The following KCNQ5 variants were observed in gnomAD, a reference collection of about 807,000 sequenced individuals.
KCNQ5 encodes the protein potassium voltage-gated channel subfamily KQT member 5.
KCNQ5 carries 30 observed loss-of-function variants against 98.2 expected under a neutral mutation model. That is an observed-to-expected ratio of 0.31 (90% CI 0.23 to 0.41). The LOEUF (loss-of-function observed/expected upper bound fraction) is 0.41. KCNQ5 is among the 10% of genes least tolerant of loss of function. The pLI, the probability that KCNQ5 is intolerant of heterozygous loss-of-function variation, is 1.00. For synonymous variants in KCNQ5, 458 were observed against 449.4 expected, an observed-to-expected ratio of 1.02 and a Z score of -0.24; for missense variants, 835 against 1,182.5, an observed-to-expected ratio of 0.71 and a Z score of 4.31.
chr6:72,749,519 G>A (rs916590046), intron 1 of KCNQ5, among the ~76,000 whole-genome samples: 4 of 152,130 alleles, frequency 2.6e-5, no homozygotes, highest in Admixed American at 6.6e-5. Flanking sequence ...ATGTTACTGT[G>A]AACTACTTCC....
At chr6:72,655,304 T>A (rs975495968) in intron 1 of KCNQ5, among the ~76,000 whole-genome samples, 1 of 152,018 alleles carries the variant, frequency 6.6e-6, no homozygotes, top group Admixed American at 6.6e-5. Context: ...AAATATGTAT[T>A]GACTTCCCAT....
At chr6:72,902,627 A>G (rs1779555915) in intron 1 of KCNQ5, among the ~76,000 whole-genome samples, 1 of 152,184 alleles carries the variant, frequency 6.6e-6, no homozygotes, top group South Asian at 2.1e-4. Flanking sequence ...AATTCTGTTT[A>G]TGTGGTGTAT....
chr6:72,702,164 C>T (rs576518667), intron 1 of KCNQ5, among the ~76,000 whole-genome samples: 1 of 152,168 alleles, frequency 6.6e-6, no homozygotes, highest in Non-Finnish European at 1.5e-5. Flanking sequence ...TTTCTTAGCC[C>T]ATCTTCTTAA....
At chr6:72,830,709 G>A (rs1438822789) in intron 1 of KCNQ5, among the ~76,000 whole-genome samples, 2 of 152,094 alleles carry the variant, frequency 1.3e-5, no homozygotes, top group African/African-American at 2.4e-5. Flanking sequence ...CAAAAGCAAT[G>A]GCAACAAAAG....
intron 1 of KCNQ5, among the ~76,000 whole-genome samples, chr6:72,997,322 G>T (rs1357725466): frequency 6.6e-6 from 1 of 151,984 alleles, no homozygotes; most frequent in Non-Finnish European, 1.5e-5. Context: ...GGGTTCTGTT[G>T]CCATCTCCTA....
rs189668032 is a variant in KCNQ5 at position 72,771,075 on chromosome 6, G to A, written c.398+148488G>A. Among the ~76,000 whole-genome samples, 6 of 152,240 alleles carry A rather than the reference G, an allele frequency of 3.9e-5. No homozygotes were observed. The East Asian group carries it at 1.2e-3, about 29-fold the overall frequency. On this transcript the variant is annotated intron_variant, in intron 1 of 13. Transcript: ENST00000370398. ...ACTGAAAGAAGTTGTTGCACATATAGTGAAGGAGCAGATAAAGGAGTGGGC... is the reference window on the plus strand; with the variant it reads ...ACTGAAAGAAGTTGTTGCACATATAATGAAGGAGCAGATAAAGGAGTGGGC...
intron 1 of KCNQ5, among the ~76,000 whole-genome samples, chr6:72,742,813 G>A (rs1475805492): frequency 6.6e-6 from 1 of 152,136 alleles, no homozygotes; most frequent in Non-Finnish European, 1.5e-5. Flanking sequence ...TCCAAATGCA[G>A]AAATGAACAT....
chr6:72,693,464 A>G (rs893650899), intron 1 of KCNQ5, among the ~76,000 whole-genome samples: 2 of 152,198 alleles, frequency 1.3e-5, no homozygotes, highest in Non-Finnish European at 2.9e-5. Context: ...TTGTTAGAAA[A>G]CAAAACATAA....
intron 1 of KCNQ5, among the ~76,000 whole-genome samples, chr6:72,855,906 C>A (rs926875060): frequency 2.6e-5 from 4 of 152,136 alleles, no homozygotes; most frequent in African/African-American, 9.7e-5. Flanking sequence ...ACTTAATTAA[C>A]CAAGAAGTTG....
intron 1 of KCNQ5, among the ~76,000 whole-genome samples, chr6:72,953,598 C>T (rs971252532): frequency 3.3e-5 from 5 of 152,164 alleles, no homozygotes; most frequent in African/African-American, 1.2e-4. Flanking sequence ...CCCACCAATC[C>T]CTGCTGCCCC....
chr6:72,811,377 T>C (rs577720140), intron 1 of KCNQ5, among the ~76,000 whole-genome samples: 8 of 152,216 alleles, frequency 5.3e-5, no homozygotes, highest in African/African-American at 1.9e-4. Flanking sequence ...GAGTAAATTA[T>C]GAAGGTTCAT....
intron 1 of KCNQ5, among the ~76,000 whole-genome samples, chr6:72,945,141 CA>C (rs746892086): frequency 1.9e-4 from 29 of 152,208 alleles, no homozygotes; most frequent in Admixed American, 6.5e-4. Context: ...ACAATATGAT[CA>C]TTCAAGATGC....
chr6:73,195,220 T>C lies in KCNQ5; in HGVS notation c.2605T>C (p.Leu869=). 6.2e-7 allele frequency: 1 copy of C among 1,614,190 alleles called. No homozygotes were observed. Among genetic ancestry groups the C allele is most frequent in the Non-Finnish European group, 8.5e-7 (1 of 1,180,026 alleles). Residue 869 remains leucine (L), a synonymous_variant, in exon 14 of 14, where the codon TTG becomes CTG. Coordinates refer to ENST00000370398, the MANE Select transcript of KCNQ5 (RefSeq NM_019842.4). The stretch of plus-strand genomic sequence containing the variant: ...TTACCCCAAATGGAGGGAATCCAAA[T>C]TGTTTATAACTGATGAAGAGGTGGG... ...DFYPKWRESK[L]FITDEEVGPE...
At chr6:72,880,892 G>A (rs541217481) in intron 1 of KCNQ5, among the ~76,000 whole-genome samples, 10 of 152,244 alleles carry the variant, frequency 6.6e-5, no homozygotes, top group South Asian at 2.1e-4. Flanking sequence ...CCAGTACAGC[G>A]TTAAGTGGTA....
At chr6:72,900,993 A>G (rs1762228138) in intron 1 of KCNQ5, among the ~76,000 whole-genome samples, 1 of 151,850 alleles carries the variant, frequency 6.6e-6, no homozygotes, top group African/African-American at 2.4e-5. Context: ...TTTTTTAATT[A>G]TGCTTTAAGT....
At chr6:73,137,331 A>G (rs1776513511) in intron 10 of KCNQ5, among the ~76,000 whole-genome samples, 1 of 152,216 alleles carries the variant, frequency 6.6e-6, no homozygotes, top group African/African-American at 2.4e-5. Flanking sequence ...CCAGAAAAGT[A>G]GAAAGTAGCA....
chr6:72,767,134 A>G (rs1314065545), intron 1 of KCNQ5, among the ~76,000 whole-genome samples: 1 of 152,034 alleles, frequency 6.6e-6, no homozygotes, highest in Non-Finnish European at 1.5e-5. Context: ...AGGAGCAACA[A>G]TAAGTTTGTA....
chr6:73,123,076 A>C (rs1400028396), intron 8 of KCNQ5, among the ~76,000 whole-genome samples: 1 of 152,076 alleles, frequency 6.6e-6, no homozygotes, highest in African/African-American at 2.4e-5. Flanking sequence ...TTGAGCACCT[A>C]TGATGTGCAA....
intron 1 of KCNQ5, among the ~76,000 whole-genome samples, chr6:72,681,809 C>A (rs964054696): frequency 3.4e-4 from 51 of 152,176 alleles, no homozygotes; most frequent in African/African-American, 1.2e-3. Flanking sequence ...CTTTCAATAT[C>A]TTCAGTGCCC....
Sources: gnomAD v4.1 joint callset for allele counts (sites outside exome capture counted in the v4.1 genomes callset) on GRCh38, gnomAD v4.1.1 for gene constraint, MANE v1.5 for transcripts, NCBI Gene and HGNC (gene_info 2026-07-23, HGNC 2026-07-21) for gene names.